PTK2: variants seen among roughly 807,000 people sequenced by gnomAD.
PTK2 encodes protein tyrosine kinase 2.
A neutral mutation model predicts 150.1 loss-of-function variants in PTK2; 45 were observed. The observed-to-expected ratio is 0.30, with a 90% CI of 0.24 to 0.38. PTK2 has a LOEUF of 0.38. PTK2 is among the 10% of genes least tolerant of loss of function. The probability of loss-of-function intolerance (pLI) is 1.00; values close to 1 mark genes in which losing one functional copy is unlikely to be tolerated. For missense variants in PTK2, 919 were observed against 1,307.3 expected, an observed-to-expected ratio of 0.70 and a Z score of 4.58; for synonymous variants, 432 against 449.2, an observed-to-expected ratio of 0.96 and a Z score of 0.48.
In PTK2 at chr8:141,000,679, C is replaced by G. The variant is rs556637473; in HGVS notation, c.-122+446G>C. On this transcript the variant is annotated intron_variant, in intron 1 of 31. Coordinates refer to ENST00000522684, the Ensembl canonical transcript of PTK2. ...CCGGCCTTTTCGAAAGCCGCCCCCCCCTTCCTCCTCACGTCTCCCGGACTC... is the reference window on the plus strand; with the variant it reads ...CCGGCCTTTTCGAAAGCCGCCCCCCGCTTCCTCCTCACGTCTCCCGGACTC... Among the ~76,000 whole-genome samples the G allele has an allele frequency of 1.5e-4, 22 of 149,936 alleles. 1 individual carries two copies. Among genetic ancestry groups the G allele is most frequent in the East Asian group, 1.0e-3 (5 of 4,996 alleles).
At chr8:140,847,669 ATT>A (rs1187600205) in intron 5 of PTK2, among the ~76,000 whole-genome samples, 2 of 152,164 alleles carry the variant, frequency 1.3e-5, no homozygotes, top group Non-Finnish European at 2.9e-5. Context: ...ATTTGTGGAA[ATT>A]TGTCTTCTTT....
At chr8:140,920,744 A>T in intron 2 of PTK2, 1 of 1,283,008 alleles carries the variant, frequency 7.8e-7, no homozygotes, top group Middle Eastern at 2.0e-4. Context: ...TCTGAAAAAC[A>T]TTTATCTACC....
chr8:140,836,096 T>G (rs1267973583), intron 7 of PTK2, among the ~76,000 whole-genome samples: 1 of 152,138 alleles, frequency 6.6e-6, no homozygotes, highest in Non-Finnish European at 1.5e-5. Context: ...TTAATCAGAC[T>G]TTTTAAAATG....
chr8:140,659,805 T>A, intron 31 of PTK2, 127 bp from the exon 36 acceptor site: 1 of 802,224 alleles, frequency 1.2e-6, no homozygotes, highest in Non-Finnish European at 1.9e-6. Flanking sequence ...TCTTCCTGCC[T>A]CAGCCTTCCC....
At chr8:140,659,363 G>T in exon 32 of PTK2, 5 of 994,678 alleles carry the variant, frequency 5.0e-6, no homozygotes, top group Non-Finnish European at 7.2e-6. Context: ...AGTTGGAGCT[G>T]TAAGTGCTGG....
At chr8:140,819,623 C>T (rs2100106945) in intron 8 of PTK2, among the ~76,000 whole-genome samples, 1 of 152,196 alleles carries the variant, frequency 6.6e-6, no homozygotes, top group Non-Finnish European at 1.5e-5. Context: ...GAGAACTAAT[C>T]TACTGGCATT....
intron 2 of PTK2, among the ~76,000 whole-genome samples, chr8:140,912,914 C>T (rs1425671973): frequency 6.6e-6 from 1 of 151,966 alleles, no homozygotes; most frequent in Non-Finnish European, 1.5e-5. Flanking sequence ...CCACTGCACT[C>T]CAGCCTGGGC....
intron 7 of PTK2, among the ~76,000 whole-genome samples, chr8:140,844,097 C>T (rs903895195): frequency 7.9e-5 from 12 of 152,056 alleles, no homozygotes; most frequent in African/African-American, 2.4e-4. Flanking sequence ...TGTTTTTTCT[C>T]GTGATTAGAC....
intron 29 of PTK2, 119 bp downstream of exon 32, chr8:140,674,179 C>A (rs767398425): frequency 5.9e-6 from 6 of 1,025,520 alleles, no homozygotes; most frequent in Non-Finnish European, 6.1e-6. Flanking sequence ...TGCAGTTCCA[C>A]TCTGCACTGT....
At chr8:140,690,266 T>C (rs2100022348) in intron 26 of PTK2, among the ~76,000 whole-genome samples, 1 of 152,164 alleles carries the variant, frequency 6.6e-6, no homozygotes, top group Non-Finnish European at 1.5e-5. Context: ...GTTTCTATTT[T>C]TAAGAGACAG....
At chr8:140,793,412 A>G (rs1198737696) in intron 12 of PTK2, 28 bp from the exon 13 acceptor site, 2 of 1,606,488 alleles carry the variant, frequency 1.2e-6, no homozygotes, top group Non-Finnish European at 1.7e-6. Flanking sequence ...AGAGATGCAT[A>G]AGGCTCTTTT....
chr8:140,936,933 C>T (rs1478630963), intron 1 of PTK2, among the ~76,000 whole-genome samples: 1 of 151,984 alleles, frequency 6.6e-6, no homozygotes, highest in Admixed American at 6.6e-5. Flanking sequence ...TTACATAAAG[C>T]TATTATAATG....
rs762955662 is a variant in PTK2 at position 140,666,278 on chromosome 8, C to T, written c.2866-1281G>A. Among the ~76,000 whole-genome samples the T allele has an allele frequency of 9.9e-5, 15 of 152,208 alleles. 1 individual carries two copies. In the South Asian group the frequency reaches 2.5e-3, roughly 25 times the overall value. On this transcript the variant is annotated intron_variant, in intron 30 of 31. Coordinates refer to ENST00000522684, the Ensembl canonical transcript of PTK2. ...GCTTGAACCTGGGAGGCAGGGGTTG[C>T]AGTGAACCAAGATCGTGCCATTGCA...
chr8:140,768,932 AG>A (rs1285595960), intron 14 of PTK2, among the ~76,000 whole-genome samples: 1 of 152,188 alleles, frequency 6.6e-6, no homozygotes, highest in Non-Finnish European at 1.5e-5. Flanking sequence ...TTTAATCAGG[AG>A]GAAAAAAATA....
At chr8:141,000,382 G>C (rs1423284158) in intron 1 of PTK2, among the ~76,000 whole-genome samples, 1 of 152,204 alleles carries the variant, frequency 6.6e-6, no homozygotes. Flanking sequence ...GGCACCGGCA[G>C]GCCGCTCGGA....
chr8:140,809,579 C>T (rs568544074), intron 10 of PTK2, among the ~76,000 whole-genome samples: 1 of 152,206 alleles, frequency 6.6e-6, no homozygotes, highest in East Asian at 1.9e-4. Context: ...CTGGGGTGGG[C>T]AGATTACTTG....
At chr8:140,807,840 T>C (rs1277901804) in intron 10 of PTK2, among the ~76,000 whole-genome samples, 2 of 152,254 alleles carry the variant, frequency 1.3e-5, no homozygotes, top group African/African-American at 2.4e-5. Flanking sequence ...TTACATCGTA[T>C]TGCTGTTGGA....
intron 12 of PTK2, among the ~76,000 whole-genome samples, chr8:140,794,096 C>T (rs2100090190): frequency 6.6e-6 from 1 of 152,204 alleles, no homozygotes; most frequent in Non-Finnish European, 1.5e-5. Context: ...CCTCTTTAAT[C>T]TGAATTAATG....
intron 1 of PTK2, among the ~76,000 whole-genome samples, chr8:140,929,100 G>T (rs1298311286): frequency 1.4e-5 from 2 of 147,476 alleles, no homozygotes; most frequent in African/African-American, 5.0e-5. Flanking sequence ...CAAGTAGCTG[G>T]GACTACAGGC....
Sources: gnomAD v4.1 joint callset for allele counts (sites outside exome capture counted in the v4.1 genomes callset) on GRCh38, gnomAD v4.1.1 for gene constraint, MANE v1.5 for transcripts, NCBI Gene and HGNC (gene_info 2026-07-23, HGNC 2026-07-21) for gene names.